AHI1: variants seen among roughly 807,000 people sequenced by gnomAD.
The protein encoded by AHI1 is Abelson helper integration site 1.
AHI1 carries 123 observed loss-of-function variants against 149.3 expected under a neutral mutation model. The observed-to-expected ratio is 0.82, with a 90% CI of 0.71 to 0.96. The LOEUF is 0.96. Ranked by LOEUF, AHI1 falls within the 40% of genes least tolerant of loss-of-function variation. AHI1 has a pLI of 0.00. For missense variants in AHI1, 1,439 were observed against 1,422.7 expected (o/e 1.01, Z -0.18); for synonymous variants, 475 against 459.8 (o/e 1.03, Z -0.42).
intron 22 of AHI1, among the ~76,000 whole-genome samples, chr6:135,403,552 T>C (rs1014676527): frequency 2.0e-5 from 3 of 152,310 alleles, no homozygotes; most frequent in South Asian, 4.2e-4. Flanking sequence ...CAGGACACTT[T>C]ATTCTCTGGA....
intron 19 of AHI1, 83 bp from the exon 20 acceptor site, chr6:135,427,390 A>G: frequency 2.5e-6 from 3 of 1,205,978 alleles, no homozygotes; most frequent in Non-Finnish European, 2.3e-6. Flanking sequence ...TCTGCCATTT[A>G]TTAGAAAATA....
intron 3 of AHI1, 29 bp downstream of exon 3, chr6:135,495,785 C>G (rs1480851639): frequency 6.6e-6 from 1 of 152,230 alleles, no homozygotes; most frequent in Non-Finnish European, 1.5e-5. Flanking sequence ...AAAAAAGACT[C>G]AGGCTTGAGC....
chr6:135,406,527 T>C (rs577112196), intron 21 of AHI1, among the ~76,000 whole-genome samples: 1 of 152,334 alleles, frequency 6.6e-6, no homozygotes, highest in African/African-American at 2.4e-5. Flanking sequence ...TTAAATACAA[T>C]AAAATGTAAA....
chr6:135,348,219 T>C (rs555812940), intron 24 of AHI1, among the ~76,000 whole-genome samples: 1 of 152,328 alleles, frequency 6.6e-6, no homozygotes, highest in Admixed American at 6.5e-5. Flanking sequence ...TAGATGTCCA[T>C]CTAGGCAGGA....
intron 23 of AHI1, among the ~76,000 whole-genome samples, chr6:135,370,409 G>C (rs1354516816): frequency 6.6e-6 from 1 of 152,226 alleles, no homozygotes; most frequent in African/African-American, 2.4e-5. Context: ...CTCTTGGGGA[G>C]AACTGATAGG....
chr6:135,496,191 A>G (rs905217118), intron 2 of AHI1, among the ~76,000 whole-genome samples: 2 of 151,838 alleles, frequency 1.3e-5, no homozygotes, highest in Non-Finnish European at 2.9e-5. Context: ...ATCTCAGCTC[A>G]CTGCTGCCTC....
At chr6:135,326,430 C>T (rs1787698336) in intron 24 of AHI1, among the ~76,000 whole-genome samples, 1 of 151,620 alleles carries the variant, frequency 6.6e-6, no homozygotes, top group Non-Finnish European at 1.5e-5. Context: ...TCTTCTTCTT[C>T]TTTTTTAAAA....
intron 23 of AHI1, among the ~76,000 whole-genome samples, chr6:135,375,510 T>A (rs1775785576): frequency 6.6e-6 from 1 of 152,216 alleles, no homozygotes; most frequent in Admixed American, 6.5e-5. Context: ...TGGGACAATA[T>A]GTTGGGGACA....
At chr6:135,382,353 T>G (rs1263318270) in intron 23 of AHI1, among the ~76,000 whole-genome samples, 2 of 152,218 alleles carry the variant, frequency 1.3e-5, no homozygotes, top group East Asian at 3.8e-4. Context: ...AAATGTGCAT[T>G]TAAAATTCTA....
intron 20 of AHI1, among the ~76,000 whole-genome samples, chr6:135,422,028 G>A (rs753750157): frequency 6.6e-6 from 1 of 152,052 alleles, no homozygotes; most frequent in Non-Finnish European, 1.5e-5. Context: ...CATATAGAAC[G>A]TAGAAAACAA....
At chr6:135,376,553 G>A (rs1775940554) in intron 23 of AHI1, among the ~76,000 whole-genome samples, 1 of 151,938 alleles carries the variant, frequency 6.6e-6, no homozygotes, top group South Asian at 2.1e-4. Flanking sequence ...ATATAATCAG[G>A]ATGAAATACA....
intron 24 of AHI1, among the ~76,000 whole-genome samples, chr6:135,338,980 C>T (rs756835103): frequency 4.7e-5 from 7 of 149,860 alleles, no homozygotes; most frequent in South Asian, 2.1e-4. Context: ...CAGACTGGAG[C>T]GCAGTGGTGC....
intron 26 of AHI1, chr6:135,302,340 C>T: frequency 1.0e-6 from 1 of 985,876 alleles, no homozygotes; most frequent in Non-Finnish European, 1.2e-6. Flanking sequence ...AGAAGTCATA[C>T]TGAACTATAT....
intron 22 of AHI1, among the ~76,000 whole-genome samples, chr6:135,396,675 TTC>T (rs1779258797): frequency 6.6e-6 from 1 of 151,986 alleles, no homozygotes; most frequent in Admixed American, 6.6e-5. Context: ...TTTAATTCAC[TTC>T]TTTTTGGAAT....
rs117913847 is a variant in AHI1 at position 135,341,055 on chromosome 6, G to A, written c.3165+17077C>T. Reference sequence around the variant, plus strand: ...GGTGAAACAAAGGAAAAACAACAACGATAATATATCAGACATATAAAACTC... The same window carrying A: ...GGTGAAACAAAGGAAAAACAACAACAATAATATATCAGACATATAAAACTC... On this transcript the variant is annotated intron_variant, in intron 24 of 28. Coordinates refer to ENST00000265602, the MANE Select transcript of AHI1 (RefSeq NM_001134831.2). Among the ~76,000 whole-genome samples the A allele has an allele frequency of 6.2e-3, 944 of 151,944 alleles. 28 individuals carry two copies. The highest frequency in any genetic ancestry group is 0.017 in the East Asian group (89 of 5,166).
intron 24 of AHI1, among the ~76,000 whole-genome samples, chr6:135,334,901 C>T (rs1301668683): frequency 6.6e-6 from 1 of 152,172 alleles, no homozygotes; most frequent in Non-Finnish European, 1.5e-5. Flanking sequence ...AAATCAAGTG[C>T]ATCATAAATT....
intron 27 of AHI1, among the ~76,000 whole-genome samples, chr6:135,295,552 T>G (rs1252808658): frequency 6.6e-6 from 1 of 152,180 alleles, no homozygotes; most frequent in Non-Finnish European, 1.5e-5. Flanking sequence ...CACAAAAACT[T>G]GTACATAAAT....
chr6:135,439,783 T>C (rs1785986722), intron 14 of AHI1, among the ~76,000 whole-genome samples: 1 of 152,182 alleles, frequency 6.6e-6, no homozygotes, highest in African/African-American at 2.4e-5. Context: ...TTTCTACTGA[T>C]GGCAATCGGG....
In AHI1 at chr6:135,476,987, T is replaced by C. The variant is rs146611452; in HGVS notation, c.136-9353A>G. Among the ~76,000 whole-genome samples, 1,156 of 152,236 alleles carry C rather than the reference T, an allele frequency of 7.6e-3. 19 individuals are homozygous for C. The highest frequency in any genetic ancestry group is 0.026 in the African/African-American group (1,098 of 41,534). ...ATATTGCTGAGTTTAAATACACTAT[T>C]CTATTATTTCCTTTCTGTTTGTCCT... On this transcript the variant is annotated intron_variant, in intron 5 of 28. Transcript: ENST00000265602.
Sources: allele counts gnomAD v4.1 joint callset (sites outside exome capture counted in the v4.1 genomes callset), GRCh38; gene constraint gnomAD v4.1.1; transcripts MANE v1.5; gene names NCBI Gene and HGNC (gene_info 2026-07-23, HGNC 2026-07-21).